PDE4D: variants seen among roughly 807,000 people sequenced by gnomAD.
PDE4D encodes the protein 3',5'-cyclic-AMP phosphodiesterase 4D.
A neutral mutation model predicts 87.4 loss-of-function variants in PDE4D; 24 were observed. That is an observed-to-expected ratio of 0.27 (90% CI 0.20 to 0.39). The LOEUF is 0.39. Among genes scored for constraint, PDE4D ranks in the 10% least tolerant of loss-of-function variants. The pLI, the probability that PDE4D is intolerant of heterozygous loss-of-function variation, is 1.00. For synonymous variants in PDE4D, 384 were observed against 383.2 expected, an observed-to-expected ratio of 1.00 and a Z score of -0.02; for missense variants, 714 against 1,041.0, an observed-to-expected ratio of 0.69 and a Z score of 4.32.
intron 11 of PDE4D, among the ~76,000 whole-genome samples, chr5:58,980,768 C>T (rs1270252458): frequency 6.6e-6 from 1 of 152,114 alleles, no homozygotes; most frequent in South Asian, 2.1e-4. Context: ...CTGTATTAAT[C>T]ATGGTTCTCC....
intron 5 of PDE4D, among the ~76,000 whole-genome samples, chr5:59,168,787 GC>G (rs1782289843): frequency 6.6e-6 from 1 of 152,166 alleles, no homozygotes; most frequent in African/African-American, 2.4e-5. Context: ...GTGTGTACAT[GC>G]CAGTACATTT....
chr5:59,063,729 T>C (rs1157017491), intron 5 of PDE4D, among the ~76,000 whole-genome samples: 2 of 152,152 alleles, frequency 1.3e-5, no homozygotes, highest in African/African-American at 2.4e-5. Context: ...ACTCAGTGTA[T>C]CAGCCTTCTG....
intron 10 of PDE4D, 137 bp from the exon 11 acceptor site, chr5:58,988,729 G>A: frequency 2.4e-6 from 1 of 423,348 alleles, no homozygotes; most frequent in Non-Finnish European, 4.2e-6. Flanking sequence ...TGTCAAGGGA[G>A]AGTCTTAGAT....
intron 5 of PDE4D, among the ~76,000 whole-genome samples, chr5:59,117,377 G>C (rs1773774894): frequency 6.6e-6 from 1 of 152,030 alleles, no homozygotes; most frequent in Admixed American, 6.6e-5. Flanking sequence ...AAATGTATTA[G>C]TTTGACAGAC....
chr5:58,970,075 C>T lies in PDE4D; in HGVS notation c.*4589G>A, dbSNP rs958004031. 3.9e-5 allele frequency: 6 copies of T among 151,954 alleles called. No individual in the cohort carries two copies. The highest frequency in any genetic ancestry group is 7.4e-5 in the Non-Finnish European group (5 of 67,978). The allele number at this position is 151,954 out of a possible 1,614,324, so 9.4% of individuals were successfully genotyped here. On this transcript the variant is annotated 3_prime_UTR_variant, in exon 15 of 15. Coordinates refer to ENST00000340635, the MANE Select transcript of PDE4D (RefSeq NM_001104631.2). ...TGTAAAAGATTGAGTCATAAATAGG[C>T]AGAATCAACCCATGCTTTTATTTTC...
intron 1 of PDE4D, among the ~76,000 whole-genome samples, chr5:60,213,669 T>C (rs1456114638): frequency 1.3e-5 from 2 of 152,224 alleles, no homozygotes; most frequent in South Asian, 2.1e-4. Flanking sequence ...CCAGGCATTA[T>C]GGAGCCACTG....
chr5:59,050,918 T>A (rs1225042726), intron 5 of PDE4D, among the ~76,000 whole-genome samples: 1 of 152,262 alleles, frequency 6.6e-6, no homozygotes, highest in East Asian at 1.9e-4. Context: ...CAGAGTTGTT[T>A]AAATAAGTTA....
intron 1 of PDE4D, among the ~76,000 whole-genome samples, chr5:59,298,184 TCA>T (rs1417153830): frequency 2.0e-5 from 3 of 148,698 alleles, no homozygotes; most frequent in Non-Finnish European, 3.0e-5. Flanking sequence ...TGGGATGATC[TCA>T]CTCACTGCAG....
intron 2 of PDE4D, among the ~76,000 whole-genome samples, chr5:60,157,014 C>G (rs1782035410): frequency 6.6e-6 from 1 of 152,032 alleles, no homozygotes; most frequent in Admixed American, 6.6e-5. Context: ...GGATTGCTTT[C>G]CTGAATATAT....
At chr5:59,535,388 T>C (rs1561147784) in intron 1 of PDE4D, among the ~76,000 whole-genome samples, 1 of 152,206 alleles carries the variant, frequency 6.6e-6, no homozygotes, top group Non-Finnish European at 1.5e-5. Context: ...CTTGAAAATA[T>C]AAGTGAAGGC....
chr5:60,021,650 G>A (rs573424426), intron 2 of PDE4D: 5 of 152,222 alleles, frequency 3.3e-5, no homozygotes, highest in East Asian at 3.9e-4. Flanking sequence ...GAAAAGCTGA[G>A]GTCAAATTTC....
chr5:59,904,028 A>G (rs1414680044), intron 3 of PDE4D, among the ~76,000 whole-genome samples: 3 of 152,180 alleles, frequency 2.0e-5, no homozygotes, highest in African/African-American at 7.2e-5. Flanking sequence ...GACAAAATAT[A>G]CATGATAGGA....
intron 1 of PDE4D, among the ~76,000 whole-genome samples, chr5:59,401,466 A>G (rs62355548): frequency 7.9e-6 from 1 of 125,898 alleles, no homozygotes; most frequent in Non-Finnish European, 1.8e-5. Flanking sequence ...CTATCTATCT[A>G]TCTATCTATC....
At chr5:60,077,244 C>T (rs571896984) in intron 2 of PDE4D, among the ~76,000 whole-genome samples, 20 of 152,226 alleles carry the variant, frequency 1.3e-4, no homozygotes, top group African/African-American at 3.9e-4. Context: ...CAGGCAGCAG[C>T]GGTATGGTAG....
intron 1 of PDE4D, among the ~76,000 whole-genome samples, chr5:59,622,572 C>T (rs1000819488): frequency 3.3e-5 from 5 of 152,140 alleles, no homozygotes; most frequent in Non-Finnish European, 5.9e-5. Flanking sequence ...GATCTCTCTC[C>T]CTTTCTTCTG....
chr5:59,150,076 C>A (rs1779261546), intron 5 of PDE4D, among the ~76,000 whole-genome samples: 1 of 151,838 alleles, frequency 6.6e-6, no homozygotes, highest in Non-Finnish European at 1.5e-5. Context: ...AAATTCAGAG[C>A]CTTAGAGCGG....
At chr5:60,179,095 A>G (rs903982957) in intron 2 of PDE4D, among the ~76,000 whole-genome samples, 8 of 152,174 alleles carry the variant, frequency 5.3e-5, no homozygotes, top group Admixed American at 1.3e-4. Flanking sequence ...GGGGAATATT[A>G]CCATAAAAGA....
chr5:59,668,995 T>C (rs1390159611), intron 1 of PDE4D, among the ~76,000 whole-genome samples: 1 of 152,152 alleles, frequency 6.6e-6, no homozygotes, highest in Non-Finnish European at 1.5e-5. Context: ...GGAATATACA[T>C]GCATATTTGG....
At chr5:59,072,411 A>T (rs1023862568) in intron 5 of PDE4D, among the ~76,000 whole-genome samples, 15 of 152,174 alleles carry the variant, frequency 9.9e-5, no homozygotes, top group African/African-American at 3.4e-4. Context: ...AACAGAATTT[A>T]AAAAGCCTTG....
Sources: gnomAD v4.1 joint callset for allele counts (sites outside exome capture counted in the v4.1 genomes callset) on GRCh38, gnomAD v4.1.1 for gene constraint, MANE v1.5 for transcripts, NCBI Gene and HGNC (gene_info 2026-07-23, HGNC 2026-07-21) for gene names.